Variants in MAGI2 observed in about 807,000 individuals in gnomAD.
The protein encoded by MAGI2 is membrane associated guanylate kinase, WW and PDZ domain containing 2.
In MAGI2, 35 loss-of-function variants were observed where a neutral mutation model predicts 133.3. The observed-to-expected ratio is 0.26, with a 90% CI of 0.20 to 0.35. The LOEUF (loss-of-function observed/expected upper bound fraction) is 0.35, where lower values mean the gene tolerates loss of function less well. Among genes scored for constraint, MAGI2 ranks in the 10% least tolerant of loss-of-function variants. The probability of loss-of-function intolerance (pLI) is 1.00; values close to 1 mark genes in which losing one functional copy is unlikely to be tolerated. For missense variants in MAGI2, 1,636 were observed against 1,863.4 expected, an observed-to-expected ratio of 0.88 and a Z score of 2.25; for synonymous variants, 729 against 710.6, an observed-to-expected ratio of 1.03 and a Z score of -0.41.
intron 20 of MAGI2, among the ~76,000 whole-genome samples, chr7:78,116,772 G>C (rs544919453): frequency 1.3e-5 from 2 of 152,126 alleles, no homozygotes; most frequent in African/African-American, 4.8e-5. Context: ...TTGCTACTTG[G>C]GAGGCTGAGG....
At chr7:78,752,338 C>T (rs145658635) in intron 2 of MAGI2, among the ~76,000 whole-genome samples, 2,323 of 152,264 alleles carry the variant, frequency 0.015, 59 homozygotes, top group African/African-American at 0.051. Context: ...CTTGGTGGCT[C>T]ATGCCTGTAA....
chr7:78,444,500 CAT>C (rs1237315384), intron 6 of MAGI2, among the ~76,000 whole-genome samples: 1 of 152,040 alleles, frequency 6.6e-6, no homozygotes, highest in African/African-American at 2.4e-5. Context: ...GAGGAAGAGA[CAT>C]GTGTTACTTA....
At chr7:78,994,209 A>G (rs1806068857) in intron 2 of MAGI2, among the ~76,000 whole-genome samples, 1 of 151,900 alleles carries the variant, frequency 6.6e-6, no homozygotes, top group Non-Finnish European at 1.5e-5. Context: ...CTGAGATGGG[A>G]GACTGTTGCT....
At chr7:78,959,477 G>C (rs892623381) in intron 2 of MAGI2, among the ~76,000 whole-genome samples, 1 of 151,846 alleles carries the variant, frequency 6.6e-6, no homozygotes, top group African/African-American at 2.4e-5. Flanking sequence ...AGCTTCAATG[G>C]GCCATTATCA....
At chr7:78,068,032 G>T (rs571339982) in intron 21 of MAGI2, among the ~76,000 whole-genome samples, 6 of 152,228 alleles carry the variant, frequency 3.9e-5, no homozygotes, top group Non-Finnish European at 5.9e-5. Context: ...TACACCCATA[G>T]AATGTGCAAC....
intron 3 of MAGI2, among the ~76,000 whole-genome samples, chr7:78,621,005 T>C (rs1807671675): frequency 6.6e-6 from 1 of 151,954 alleles, no homozygotes; most frequent in Non-Finnish European, 1.5e-5. Context: ...AGACAACTGC[T>C]GTAAGTGGTG....
chr7:79,062,735 T>C (rs765776637), intron 1 of MAGI2, among the ~76,000 whole-genome samples: 3 of 152,136 alleles, frequency 2.0e-5, no homozygotes, highest in Non-Finnish European at 4.4e-5. Flanking sequence ...GGAAGCTCCT[T>C]CCACCTCCTC....
At chr7:79,127,610 T>C (rs1290106952) in intron 1 of MAGI2, among the ~76,000 whole-genome samples, 1 of 152,224 alleles carries the variant, frequency 6.6e-6, no homozygotes, top group Non-Finnish European at 1.5e-5. Flanking sequence ...TTGAGAAGTG[T>C]CTATTCATAT....
In MAGI2 at chr7:79,358,458, A is replaced by G. The variant is rs899425397; in HGVS notation, c.301+94562T>C. On this transcript the variant is annotated intron_variant, in intron 1 of 21. Coordinates refer to ENST00000354212, the MANE Select transcript of MAGI2 (RefSeq NM_012301.4). ...GCAAGAGTACTATACCTCTCGAGGT[A>G]ACTAGATGCAATATATATGGTAGTC... Among the ~76,000 whole-genome samples the G allele has an allele frequency of 2.0e-5, 3 of 152,154 alleles. No homozygotes were observed. The South Asian group carries it at 6.2e-4, about 32-fold the overall frequency.
At chr7:78,184,691 C>G (rs1827515803) in intron 13 of MAGI2, 1 of 152,186 alleles carries the variant, frequency 6.6e-6, no homozygotes, top group Non-Finnish European at 1.5e-5. Flanking sequence ...TTTCCTCCAA[C>G]ATTTGTACAA....
At chr7:79,282,430 C>A (rs546172900) in intron 1 of MAGI2, among the ~76,000 whole-genome samples, 1 of 152,024 alleles carries the variant, frequency 6.6e-6, no homozygotes, top group Non-Finnish European at 1.5e-5. Flanking sequence ...GGAGAAGAAA[C>A]GAAGCTGATT....
chr7:79,028,257 ATATATATATATGTATG>A (rs1264116835), intron 1 of MAGI2, among the ~76,000 whole-genome samples: 1 of 22,312 alleles, frequency 4.5e-5, no homozygotes, highest in African/African-American at 1.3e-4. Context: ...ATATATATAT[ATATATATATATGTATG>A]TATGTATATA....
chr7:79,174,481 G>A (rs947617427), intron 1 of MAGI2, among the ~76,000 whole-genome samples: 1 of 151,686 alleles, frequency 6.6e-6, no homozygotes, highest in African/African-American at 2.4e-5. Flanking sequence ...ACAAACTGGG[G>A]AAAAAAATTA....
intron 2 of MAGI2, among the ~76,000 whole-genome samples, chr7:78,913,130 C>A (rs554928954): frequency 2.0e-5 from 3 of 152,010 alleles, no homozygotes; most frequent in Non-Finnish European, 4.4e-5. Context: ...TTGGACTAAG[C>A]ATTTTGAATA....
chr7:79,029,952 G>C (rs1374089681), intron 1 of MAGI2, among the ~76,000 whole-genome samples: 1 of 152,106 alleles, frequency 6.6e-6, no homozygotes, highest in Non-Finnish European at 1.5e-5. Context: ...GCACAGAAAA[G>C]GGCATATCCC....
At chr7:78,474,063 TAAC>T (rs1791498183) in intron 6 of MAGI2, among the ~76,000 whole-genome samples, 1 of 151,990 alleles carries the variant, frequency 6.6e-6, no homozygotes, top group African/African-American at 2.4e-5. Context: ...AGCCCCACAA[TAAC>T]AACATTAACC....
chr7:79,020,492 C>T (rs534950626), intron 1 of MAGI2, among the ~76,000 whole-genome samples: 17 of 152,178 alleles, frequency 1.1e-4, no homozygotes, highest in African/African-American at 3.4e-4. Flanking sequence ...ACTGGTCAGG[C>T]GCGGTGGCTG....
chr7:78,131,012 T>C (rs990026936), intron 18 of MAGI2, among the ~76,000 whole-genome samples: 1 of 152,164 alleles, frequency 6.6e-6, no homozygotes, highest in Admixed American at 6.5e-5. Flanking sequence ...GCAAGAGCCA[T>C]GTCCAGGGAA....
chr7:78,362,056 C>G (rs1792875218), intron 7 of MAGI2, among the ~76,000 whole-genome samples: 2 of 152,056 alleles, frequency 1.3e-5, no homozygotes, highest in African/African-American at 4.8e-5. Flanking sequence ...AATCCCAGCA[C>G]TTTGGGAGGC....
Sources: gnomAD v4.1 joint callset for allele counts (sites outside exome capture counted in the v4.1 genomes callset) on GRCh38, gnomAD v4.1.1 for gene constraint, MANE v1.5 for transcripts, NCBI Gene and HGNC (gene_info 2026-07-23, HGNC 2026-07-21) for gene names.